WASF3: variants seen among roughly 807,000 people sequenced by gnomAD.
WASF3 encodes actin-binding protein WASF3.
Under a neutral mutation model 46.6 loss-of-function variants are expected in WASF3, and 11 were observed. That is an observed-to-expected ratio of 0.24 (90% confidence interval 0.15 to 0.39). The LOEUF (loss-of-function observed/expected upper bound fraction) is 0.39, where lower values mean the gene tolerates loss of function less well. WASF3 is among the 10% of genes least tolerant of loss of function. The pLI, the probability that WASF3 is intolerant of heterozygous loss-of-function variation, is 1.00. For missense variants in WASF3, 576 were observed against 669.8 expected, an observed-to-expected ratio of 0.86 and a Z score of 1.55; for synonymous variants, 242 against 259.7, an observed-to-expected ratio of 0.93 and a Z score of 0.65.
the WASF3 span, among the ~76,000 whole-genome samples, chr13:26,550,511 A>T: frequency 6.6e-6 from 1 of 152,196 alleles, no homozygotes. Context: ...ATTTTATATA[A>T]GGGAAATGGG....
chr13:26,562,071 T>C (rs1879311875), intron 1 of WASF3, among the ~76,000 whole-genome samples: 1 of 152,262 alleles, frequency 6.6e-6, no homozygotes, highest in Non-Finnish European at 1.5e-5. Context: ...GCATTTGTTT[T>C]GGCCTGAGAC....
In WASF3 at chr13:26,681,753, C is replaced by T. The variant is rs541844811; in HGVS notation, c.983+433C>T. Reference sequence around the variant, plus strand: ...CTCAGACTTGACCAAAATCTGCTTTCGTGACCTCTGACCACCCAGACATCA... The same window carrying T: ...CTCAGACTTGACCAAAATCTGCTTTTGTGACCTCTGACCACCCAGACATCA... On this transcript the variant is annotated intron_variant, in intron 8 of 9. Coordinates refer to ENST00000335327, the MANE Select transcript of WASF3 (RefSeq NM_006646.6). Among the ~76,000 whole-genome samples the T allele has an allele frequency of 4.6e-5, 7 of 152,120 alleles. No homozygotes were observed. The South Asian group carries it at 8.3e-4, about 18-fold the overall frequency.
intron 1 of WASF3, among the ~76,000 whole-genome samples, chr13:26,598,274 G>C (rs1017098968): frequency 2.6e-5 from 4 of 152,188 alleles, no homozygotes; most frequent in Non-Finnish European, 5.9e-5. Flanking sequence ...CTTTTGAGAA[G>C]TGTCTGTTCA....
intron 1 of WASF3, among the ~76,000 whole-genome samples, chr13:26,584,675 G>A (rs563191239): frequency 6.6e-6 from 1 of 152,260 alleles, no homozygotes; most frequent in East Asian, 1.9e-4. Context: ...AATTTGTAAA[G>A]CATTCCTCAG....
At chr13:26,632,901 G>A (rs1881696927) in intron 2 of WASF3, among the ~76,000 whole-genome samples, 1 of 152,144 alleles carries the variant, frequency 6.6e-6, no homozygotes, top group South Asian at 2.1e-4. Flanking sequence ...TTAGTCTTGG[G>A]AGGGTGTATG....
At chr13:26,601,382 A>G (rs911046911) in intron 1 of WASF3, among the ~76,000 whole-genome samples, 3 of 98,440 alleles carry the variant, frequency 3.0e-5, no homozygotes, top group Admixed American at 1.2e-4. Flanking sequence ...TTCTATAGTC[A>G]TTTAATCATT....
chr13:26,676,483 C>T, intron 6 of WASF3, 66 bp from the exon 7 acceptor site: 1 of 1,555,030 alleles, frequency 6.4e-7, no homozygotes, highest in Non-Finnish European at 8.7e-7. Flanking sequence ...ATTATAACTG[C>T]ATTTAACCAG....
At chr13:26,575,871 T>A (rs1437268615) in intron 1 of WASF3, among the ~76,000 whole-genome samples, 1 of 152,206 alleles carries the variant, frequency 6.6e-6, no homozygotes, top group African/African-American at 2.4e-5. Flanking sequence ...CGAAGATATC[T>A]TTCATATGCG....
At chr13:26,615,019 T>C (rs993175804) in intron 2 of WASF3, among the ~76,000 whole-genome samples, 2 of 152,066 alleles carry the variant, frequency 1.3e-5, no homozygotes, top group African/African-American at 4.8e-5. Context: ...GGGAATTCTC[T>C]AGGAGGAGTG....
chr13:26,665,004 T>G lies in WASF3; in HGVS notation c.134-24T>G, dbSNP rs1027213941. On this transcript the variant is annotated intron_variant, in intron 3 of 9. Coordinates refer to ENST00000335327, the MANE Select transcript of WASF3 (RefSeq NM_006646.6). The stretch of plus-strand genomic sequence containing the variant: ...TTCATCAGCTCCCTAACAGATGGCC[T>G]TCTCCATTCATTTTATTCTACAGGC... 4.3e-6 allele frequency: 7 copies of G among 1,613,224 alleles called. No individual in the cohort carries two copies. In the African/African-American group the frequency reaches 9.3e-5, roughly 22 times the overall value.
At chr13:26,646,639 G>A (rs1593168071) in intron 3 of WASF3, among the ~76,000 whole-genome samples, 1 of 152,160 alleles carries the variant, frequency 6.6e-6, no homozygotes, top group South Asian at 2.1e-4. Context: ...GTGATACAGA[G>A]GGGGACTAGA....
the WASF3 span, among the ~76,000 whole-genome samples, chr13:26,540,879 T>C: frequency 1.8e-4 from 28 of 152,160 alleles, no homozygotes; most frequent in Non-Finnish European, 2.8e-4. Flanking sequence ...AGTAAGATGT[T>C]TGTGTTGGTG....
At chr13:26,599,354 C>G (rs1050771125) in intron 1 of WASF3, among the ~76,000 whole-genome samples, 1 of 151,878 alleles carries the variant, frequency 6.6e-6, no homozygotes, top group Non-Finnish European at 1.5e-5. Flanking sequence ...GGCTAATTTT[C>G]TGTATTTTTT....
chr13:26,574,462 T>C (rs1879731399), intron 1 of WASF3, among the ~76,000 whole-genome samples: 1 of 151,784 alleles, frequency 6.6e-6, no homozygotes, highest in Non-Finnish European at 1.5e-5. Context: ...ACTTTTGTCT[T>C]GATTTTTTTT....
At chr13:26,621,091 G>C (rs1386102719) in intron 2 of WASF3, among the ~76,000 whole-genome samples, 2 of 152,144 alleles carry the variant, frequency 1.3e-5, no homozygotes, top group Non-Finnish European at 2.9e-5. Context: ...TGGGGGGTCT[G>C]TGATGCCGTG....
chr13:26,549,778 A>G, the WASF3 span, among the ~76,000 whole-genome samples: 1 of 152,200 alleles, frequency 6.6e-6, no homozygotes, highest in Non-Finnish European at 1.5e-5. Context: ...AATAACCCAC[A>G]TGGATTTGGG....
At chr13:26,547,784 G>A in the WASF3 span, among the ~76,000 whole-genome samples, 1 of 152,156 alleles carries the variant, frequency 6.6e-6, no homozygotes, top group East Asian at 1.9e-4. Context: ...TTTATTTTTT[G>A]AACATCTCCA....
intron 1 of WASF3, among the ~76,000 whole-genome samples, chr13:26,585,052 A>AT (rs1182192875): frequency 3.3e-5 from 5 of 151,510 alleles, no homozygotes; most frequent in Non-Finnish European, 5.9e-5. Context: ...AAATAATATC[A>AT]TTTTCCCAAG....
chr13:26,566,463 C>T (rs1593368996), intron 1 of WASF3, among the ~76,000 whole-genome samples: 1 of 152,100 alleles, frequency 6.6e-6, no homozygotes, highest in African/African-American at 2.4e-5. Context: ...TTCTAGTCTC[C>T]GTGGTCAGTG....
Sources: gnomAD v4.1 joint callset for allele counts (sites outside exome capture counted in the v4.1 genomes callset) on GRCh38, gnomAD v4.1.1 for gene constraint, MANE v1.5 for transcripts, NCBI Gene and HGNC (gene_info 2026-07-23, HGNC 2026-07-21) for gene names.